Variants in GUCA1C observed in about 807,000 individuals in gnomAD.
GUCA1C encodes guanylate cyclase activator 1C.
A neutral mutation model predicts 16.2 loss-of-function variants in GUCA1C; 15 were observed. The ratio of observed to expected loss-of-function variants is 0.93; its 90% CI spans 0.62 to 1.43. The LOEUF is 1.43. Among genes scored for constraint, GUCA1C ranks in the 40% most tolerant of loss-of-function variants. The pLI is 0.00. For missense variants in GUCA1C, 275 were observed against 244.8 expected, an observed-to-expected ratio of 1.12 and a Z score of -0.82; for synonymous variants, 78 against 85.4, an observed-to-expected ratio of 0.91 and a Z score of 0.48.
intron 1 of GUCA1C, among the ~76,000 whole-genome samples, chr3:108,927,734 G>C (rs914671374): frequency 4.6e-5 from 7 of 152,106 alleles, no homozygotes; most frequent in African/African-American, 1.4e-4. Flanking sequence ...TTGCAGTTCA[G>C]AGATTTTGTC....
At chr3:108,947,050 T>C (rs1431275527) in intron 1 of GUCA1C, among the ~76,000 whole-genome samples, 2 of 152,070 alleles carry the variant, frequency 1.3e-5, no homozygotes, top group Non-Finnish European at 2.9e-5. Context: ...AAATGATAAG[T>C]ATGTGAGATG....
At chr3:108,953,521 C>A in intron 1 of GUCA1C, 38 bp downstream of exon 1, 1 of 1,336,566 alleles carries the variant, frequency 7.5e-7, no homozygotes, top group Non-Finnish European at 1.1e-6. Context: ...TGCAGAACCA[C>A]AGCATTTTCA....
intron 1 of GUCA1C, among the ~76,000 whole-genome samples, chr3:108,945,797 A>G (rs1323540090): frequency 6.6e-6 from 1 of 152,192 alleles, no homozygotes; most frequent in Non-Finnish European, 1.5e-5. Context: ...GCTTATTCTT[A>G]TATCTTGATT....
intron 3 of GUCA1C, among the ~76,000 whole-genome samples, chr3:108,915,262 T>G (rs893281041): frequency 1.5e-4 from 23 of 152,230 alleles, no homozygotes; most frequent in African/African-American, 5.5e-4. Flanking sequence ...GGTTGATGCC[T>G]TTGGAAGGAG....
chr3:108,913,052 A>T (rs1266361997), intron 3 of GUCA1C, among the ~76,000 whole-genome samples: 1 of 152,154 alleles, frequency 6.6e-6, no homozygotes, highest in East Asian at 1.9e-4. Context: ...TTCTGTCACA[A>T]CAGATGTGAT....
intron 3 of GUCA1C, among the ~76,000 whole-genome samples, chr3:108,911,981 C>T (rs1946460131): frequency 6.6e-6 from 1 of 151,728 alleles, no homozygotes; most frequent in African/African-American, 2.4e-5. Context: ...TGGTGGGTGA[C>T]TGTAATCCCA....
intron 1 of GUCA1C, among the ~76,000 whole-genome samples, chr3:108,932,305 G>T (rs1946674767): frequency 8.8e-6 from 1 of 113,726 alleles, no homozygotes. Flanking sequence ...GAAACATGCA[G>T]ATTCCTAGAC....
intron 3 of GUCA1C, 149 bp from the exon 4 acceptor site, chr3:108,908,358 A>C: frequency 4.9e-6 from 1 of 202,774 alleles, no homozygotes; most frequent in Non-Finnish European, 1.0e-5. Context: ...CATTTAAACA[A>C]AAAAAAAAAA....
In GUCA1C at chr3:108,940,892, C is replaced by T. The variant is rs543775918; in HGVS notation, c.204+12667G>A. ...GTCTTGTCCCAGTTTTGGAAATGAA[C>T]GATTTGAGACACAGAGAGGTTAATG... On this transcript the variant is annotated intron_variant, in intron 1 of 3. Coordinates refer to ENST00000261047, the MANE Select transcript of GUCA1C (RefSeq NM_005459.4). Among the ~76,000 whole-genome samples the T allele has an allele frequency of 5.9e-5, 9 of 152,238 alleles. No individual in the cohort carries two copies. The South Asian group carries it at 1.9e-3, about 32-fold the overall frequency.
chr3:108,934,808 CTTTTTTTTTTT>C (rs71629371), intron 1 of GUCA1C, among the ~76,000 whole-genome samples: 2 of 86,110 alleles, frequency 2.3e-5, no homozygotes, highest in East Asian at 7.9e-4. Flanking sequence ...TGTTCTTGAT[CTTTTTTTTTTT>C]TTTTTTTTTT....
At chr3:108,930,261 G>A (rs748156392) in intron 1 of GUCA1C, among the ~76,000 whole-genome samples, 8 of 152,102 alleles carry the variant, frequency 5.3e-5, no homozygotes, top group Non-Finnish European at 7.3e-5. Context: ...TTACAAAACC[G>A]GGATGTGACA....
intron 1 of GUCA1C, among the ~76,000 whole-genome samples, chr3:108,924,375 G>C (rs533305194): frequency 6.6e-6 from 1 of 152,156 alleles, no homozygotes; most frequent in Admixed American, 6.5e-5. Context: ...TTTGTCAAAT[G>C]CTTTTTCTGT....
At chr3:108,933,124 A>G (rs1443052100) in intron 1 of GUCA1C, among the ~76,000 whole-genome samples, 1 of 152,134 alleles carries the variant, frequency 6.6e-6, no homozygotes, top group Non-Finnish European at 1.5e-5. Context: ...TGCCAGCCCT[A>G]GCATGAGAAC....
intron 1 of GUCA1C, among the ~76,000 whole-genome samples, chr3:108,925,095 T>C (rs1249774745): frequency 2.7e-5 from 3 of 112,428 alleles, no homozygotes; most frequent in Non-Finnish European, 3.8e-5. Flanking sequence ...TTGTTTCATA[T>C]ACCTTTTGTA....
chr3:108,945,326 T>C (rs1946833659), intron 1 of GUCA1C, among the ~76,000 whole-genome samples: 1 of 152,264 alleles, frequency 6.6e-6, no homozygotes, highest in Non-Finnish European at 1.5e-5. Context: ...TTGGCAGTGG[T>C]AGTTGCTGTG....
At chr3:108,918,153 C>T (rs978529211) in intron 2 of GUCA1C, among the ~76,000 whole-genome samples, 1 of 152,214 alleles carries the variant, frequency 6.6e-6, no homozygotes, top group Admixed American at 6.5e-5. Context: ...AGCGGCATCC[C>T]TGGTCTCTGA....
At chr3:108,914,926 T>C (rs1368427584) in intron 3 of GUCA1C, among the ~76,000 whole-genome samples, 1 of 152,112 alleles carries the variant, frequency 6.6e-6, no homozygotes, top group Non-Finnish European at 1.5e-5. Flanking sequence ...TGTACTGACA[T>C]GTTTCATTAT....
At chr3:108,918,531 T>C (rs1946539515) in intron 2 of GUCA1C, among the ~76,000 whole-genome samples, 1 of 152,194 alleles carries the variant, frequency 6.6e-6, no homozygotes, top group Non-Finnish European at 1.5e-5. Context: ...CACATCTCAA[T>C]GGTTTCCTAA....
At chr3:108,931,674 T>C (rs1266452005) in intron 1 of GUCA1C, among the ~76,000 whole-genome samples, 1 of 152,162 alleles carries the variant, frequency 6.6e-6, no homozygotes. Context: ...GGTACATACT[T>C]ATTCTATGAA....
Sources: gnomAD v4.1 joint callset for allele counts (sites outside exome capture counted in the v4.1 genomes callset) on GRCh38, gnomAD v4.1.1 for gene constraint, MANE v1.5 for transcripts, NCBI Gene and HGNC (gene_info 2026-07-23, HGNC 2026-07-21) for gene names.